The following PSMD1 variants were observed in gnomAD, a reference collection of about 807,000 sequenced individuals.
The protein encoded by PSMD1 is proteasome 26S subunit, non-ATPase 1.
PSMD1 carries 18 observed loss-of-function variants against 119.0 expected under a neutral mutation model. The observed-to-expected ratio is 0.15, with a 90% CI of 0.10 to 0.22. The LOEUF (loss-of-function observed/expected upper bound fraction) is 0.22, where lower values mean the gene tolerates loss of function less well. PSMD1 is among the 10% of genes least tolerant of loss of function. The probability of loss-of-function intolerance (pLI) is 1.00; values close to 1 mark genes in which losing one functional copy is unlikely to be tolerated. For synonymous variants in PSMD1, 374 were observed against 396.6 expected (o/e 0.94, Z 0.68); for missense variants, 702 against 1,158.5 (o/e 0.61, Z 5.72).
chr2:231,065,501 G>C lies in PSMD1; in HGVS notation c.305-1405G>C, dbSNP rs549737813. Among the ~76,000 whole-genome samples the C allele has an allele frequency of 2.0e-3, 301 of 149,522 alleles. 1 individual carries two copies. Among genetic ancestry groups the C allele is most frequent in the African/African-American group, 7.1e-3 (285 of 40,306 alleles). ...TTTTTAGTAGAGACGGGGTTTCACC[G>C]TGTTAGCCAGGATGATCTCGATCTC... On this transcript the variant is annotated intron_variant, in intron 4 of 24. Transcript: ENST00000308696.
intron 8 of PSMD1, among the ~76,000 whole-genome samples, chr2:231,076,298 G>A (rs1180043467): frequency 6.6e-6 from 1 of 152,156 alleles, no homozygotes; most frequent in African/African-American, 2.4e-5. Context: ...TTGGACTTTT[G>A]GTTCCTGATG....
At position 231,146,296 on chromosome 2, in the gene PSMD1, A is replaced by G. The variant is rs774787689; in HGVS notation, c.2055A>G (p.Gln685=). The G allele has an allele frequency of 6.2e-7, 1 of 1,613,952 alleles. No homozygotes were observed. Among genetic ancestry groups the G allele is most frequent in the Non-Finnish European group, 8.5e-7 (1 of 1,179,892 alleles). ...MTNDPVNYVR[Q]GALIASALIM... ...ACGACCCCGTGAACTACGTGAGGCA[A>G]GGGGCACTCATAGCTTCAGCTCTCA... Residue 685 remains glutamine (Q), a synonymous_variant, in exon 18 of 25, where the codon CAA becomes CAG. Coordinates refer to ENST00000308696, the MANE Select transcript of PSMD1 (RefSeq NM_002807.4).
chr2:231,120,077 G>A (rs535039971), intron 16 of PSMD1, among the ~76,000 whole-genome samples: 5 of 151,322 alleles, frequency 3.3e-5, no homozygotes, highest in South Asian at 4.2e-4. Flanking sequence ...TCAGTCTCCC[G>A]AGTAGCTGGG....
At chr2:231,104,380 G>T (rs1694933074) in intron 16 of PSMD1, among the ~76,000 whole-genome samples, 1 of 152,030 alleles carries the variant, frequency 6.6e-6, no homozygotes, top group South Asian at 2.1e-4. Flanking sequence ...AGTCAAATAA[G>T]TTATTTATGT....
chr2:231,080,383 T>A, intron 12 of PSMD1, 69 bp downstream of exon 12: 1 of 1,282,536 alleles, frequency 7.8e-7, no homozygotes, highest in South Asian at 1.7e-5. Context: ...TGCCACATTA[T>A]TTTAGTGACT....
intron 16 of PSMD1, among the ~76,000 whole-genome samples, chr2:231,122,512 A>G (rs1292783575): frequency 2.6e-5 from 4 of 152,148 alleles, no homozygotes; most frequent in Admixed American, 6.5e-5. Flanking sequence ...TATGAATGGA[A>G]TATCAGTTTA....
chr2:231,072,346 T>G lies in PSMD1; in HGVS notation c.812T>G (p.Val271Gly). ...TCTGTAATCCAGAATCTTCGAACTG[T>G]TGGCACCCCTATTGCTTCTGTGCCT... ...LSSVIQNLRT[V>G]GTPIASVPGS... The change falls in exon 7 of 25, where the codon GTT becomes GGT. Residue 271 changes from valine to glycine, a missense_variant. Val to Gly is a moderately radical substitution (Grantham distance 109). Transcript: ENST00000308696. 6.2e-7 allele frequency: 1 copy of G among 1,614,104 alleles called. No homozygotes were observed. Among genetic ancestry groups the G allele is most frequent in the Non-Finnish European group, 8.5e-7 (1 of 1,179,950 alleles).
At chr2:231,165,088 A>ATATATATATG (rs1696745204) in intron 21 of PSMD1, 112 bp from the exon 22 acceptor site, 1 of 152,162 alleles carries the variant, frequency 6.6e-6, no homozygotes, top group Non-Finnish European at 1.3e-5. Context: ...ATATATATAT[A>ATATATATATG]TATGTAATAC....
At chr2:231,157,586 T>A (rs373980908) in intron 19 of PSMD1, among the ~76,000 whole-genome samples, 1 of 150,752 alleles carries the variant, frequency 6.6e-6, no homozygotes, top group Non-Finnish European at 1.5e-5. Context: ...TTCTTTTTTT[T>A]GGGGGGGGCC....
In PSMD1 at chr2:231,082,869, T is replaced by C. The variant is rs1182666631; in HGVS notation, c.1414-14T>C. The C allele has an allele frequency of 6.3e-7, 1 of 1,590,030 alleles. No homozygotes were observed. On this transcript the variant is annotated splice_polypyrimidine_tract_variant and intron_variant, in intron 12 of 24. Transcript: ENST00000308696. ...CAGTGTACCAAATCAATGGAATCTA[T>C]GTTTTTTCCTTAGATCGTTAGACAC... is the stretch of plus-strand genomic sequence containing the variant.
At chr2:231,082,335 G>A (rs964035867) in intron 12 of PSMD1, among the ~76,000 whole-genome samples, 1 of 152,126 alleles carries the variant, frequency 6.6e-6, no homozygotes, top group Non-Finnish European at 1.5e-5. Flanking sequence ...TAAAGTGCCG[G>A]GATTACAAGC....
intron 1 of PSMD1, 83 bp from the exon 2 acceptor site, chr2:231,061,184 C>A (rs1055330682): frequency 2.8e-6 from 3 of 1,076,256 alleles, no homozygotes; most frequent in South Asian, 2.9e-5. Context: ...TGTTTTTCAG[C>A]CATCATGTAT....
chr2:231,121,108 A>G (rs892150936), intron 16 of PSMD1, among the ~76,000 whole-genome samples: 2 of 152,236 alleles, frequency 1.3e-5, no homozygotes, highest in African/African-American at 4.8e-5. Context: ...AAATAATGCA[A>G]TAATGTATTA....
chr2:231,134,794 T>C (rs1057418859), intron 16 of PSMD1, among the ~76,000 whole-genome samples: 1 of 152,182 alleles, frequency 6.6e-6, no homozygotes, highest in African/African-American at 2.4e-5. Context: ...CAGTTTTCCC[T>C]GGTTTTGATT....
intron 16 of PSMD1, among the ~76,000 whole-genome samples, chr2:231,133,918 C>T (rs1255911589): frequency 1.3e-5 from 2 of 152,190 alleles, no homozygotes; most frequent in African/African-American, 4.8e-5. Context: ...TGCCCTTGCA[C>T]AATTCCTGCT....
At chr2:231,093,675 C>T (rs1335366451) in intron 16 of PSMD1, among the ~76,000 whole-genome samples, 4 of 152,156 alleles carry the variant, frequency 2.6e-5, no homozygotes, top group Non-Finnish European at 5.9e-5. Context: ...AAGTGCTTTT[C>T]TATGGCTGAA....
At chr2:231,113,673 G>A (rs1158650172) in intron 16 of PSMD1, 1 of 1,492,426 alleles carries the variant, frequency 6.7e-7, no homozygotes, top group East Asian at 2.3e-5. Flanking sequence ...TATTCTCCTA[G>A]CCAAGTGGAA....
At chr2:231,152,246 T>G (rs569756088) in intron 18 of PSMD1, among the ~76,000 whole-genome samples, 1 of 152,348 alleles carries the variant, frequency 6.6e-6, no homozygotes, top group South Asian at 2.1e-4. Flanking sequence ...GTTAGTTCAT[T>G]GTTTCCCCAC....
chr2:231,066,419 T>C (rs13430145), intron 4 of PSMD1, among the ~76,000 whole-genome samples: 75,091 of 152,146 alleles, frequency 0.49, 21,975 homozygotes, highest in African/African-American at 0.81. Context: ...ATATCTTCAG[T>C]AATGGCAAAT....
Sources: gnomAD v4.1 joint callset for allele counts (sites outside exome capture counted in the v4.1 genomes callset) on GRCh38, gnomAD v4.1.1 for gene constraint, MANE v1.5 for transcripts, NCBI Gene and HGNC (gene_info 2026-07-23, HGNC 2026-07-21) for gene names.